RYR3: variants seen among roughly 807,000 people sequenced by gnomAD.
RYR3 encodes the protein brain ryanodine receptor-calcium release channel.
Under a neutral mutation model 584.3 loss-of-function variants are expected in RYR3, and 207 were observed. The ratio of observed to expected loss-of-function variants is 0.35; its 90% CI spans 0.32 to 0.40. The LOEUF is 0.40. Among genes scored for constraint, RYR3 ranks in the 10% least tolerant of loss-of-function variants. The pLI is 1.00. For missense variants in RYR3, 5,616 were observed against 6,089.2 expected (o/e 0.92, Z 2.59); for synonymous variants, 2,416 against 2,248.5 (o/e 1.07, Z -2.11).
intron 2 of RYR3, among the ~76,000 whole-genome samples, chr15:33,478,052 G>A (rs1281855778): frequency 6.6e-6 from 1 of 151,638 alleles, no homozygotes; most frequent in Non-Finnish European, 1.5e-5. Context: ...CTTTCCCTCT[G>A]GTCCTTCACA....
intron 1 of RYR3, among the ~76,000 whole-genome samples, chr15:33,399,548 G>A (rs979826867): frequency 6.6e-6 from 1 of 152,180 alleles, no homozygotes; most frequent in Non-Finnish European, 1.5e-5. Flanking sequence ...TGAGGCAGGA[G>A]AATCACTTGA....
intron 6 of RYR3, among the ~76,000 whole-genome samples, chr15:33,539,884 C>T (rs987899264): frequency 2.0e-5 from 3 of 152,076 alleles, no homozygotes; most frequent in African/African-American, 7.2e-5. Context: ...TCATCCTTGT[C>T]ATCTTCACGT....
At chr15:33,637,301 A>G (rs543894198) in intron 27 of RYR3, among the ~76,000 whole-genome samples, 1 of 152,364 alleles carries the variant, frequency 6.6e-6, no homozygotes, top group African/African-American at 2.4e-5. Context: ...TACTTTCTTC[A>G]TCTATATCAG....
At chr15:33,697,585 T>C (rs550440378) in intron 39 of RYR3, among the ~76,000 whole-genome samples, 4 of 152,352 alleles carry the variant, frequency 2.6e-5, no homozygotes, top group South Asian at 4.1e-4. Flanking sequence ...AAAAGCTTCA[T>C]TGATATCTAA....
At chr15:33,377,557 G>A (rs1390518814) in intron 1 of RYR3, among the ~76,000 whole-genome samples, 6 of 152,184 alleles carry the variant, frequency 3.9e-5, no homozygotes, top group Non-Finnish European at 8.8e-5. Flanking sequence ...GTTAGAGTCC[G>A]ATAACTTTCA....
chr15:33,338,032 CCTCTTGGGTTCACGCCATT>C (rs1251755860), intron 1 of RYR3, among the ~76,000 whole-genome samples: 1 of 148,642 alleles, frequency 6.7e-6, no homozygotes, highest in African/African-American at 2.5e-5. Flanking sequence ...GAAAGCTCCG[CCTCTTGGGTTCACGCCATT>C]CTCTTGCCTC....
At chr15:33,492,466 A>ACC (rs2142524288) in intron 2 of RYR3, among the ~76,000 whole-genome samples, 1 of 149,758 alleles carries the variant, frequency 6.7e-6, no homozygotes, top group South Asian at 2.1e-4. Context: ...TCTCAAAGCA[A>ACC]AAAAAAAAAA....
rs1244464080 is a variant in RYR3 at position 33,788,281 on chromosome 15, C to T, written c.9653C>T (p.Thr3218Ile). Residue 3218 changes from threonine (T) to isoleucine (I), a missense_variant, in exon 67 of 104, where the codon ACT becomes ATT. By Grantham distance (89) the Thr-to-Ile change is moderately conservative. Transcript: ENST00000634891. The stretch of plus-strand genomic sequence containing the variant: ...CTGCTGAGAAGCCACTTCATCCCAA[C>T]TCTGGAGAAGCTGAAGAAAAAGGCT... ...PDLLRSHFIP[T>I]LEKLKKKAVK... 1 of 1,613,888 alleles carries T rather than the reference C, an allele frequency of 6.2e-7. No individual in the cohort carries two copies. The highest frequency in any genetic ancestry group is 8.5e-7 in the Non-Finnish European group (1 of 1,179,890).
chr15:33,830,520 T>C (rs543573570), intron 85 of RYR3, among the ~76,000 whole-genome samples: 1 of 152,252 alleles, frequency 6.6e-6, no homozygotes, highest in African/African-American at 2.4e-5. Context: ...ACTCACTTTA[T>C]TGTAATGTTC....
intron 42 of RYR3, among the ~76,000 whole-genome samples, chr15:33,703,459 G>C (rs1037304694): frequency 6.6e-6 from 1 of 152,170 alleles, no homozygotes; most frequent in Non-Finnish European, 1.5e-5. Flanking sequence ...CTTGCAGATG[G>C]CCACTGTTTT....
chr15:33,818,517 G>A, intron 75 of RYR3, 61 bp from the exon 76 acceptor site: 1 of 1,257,260 alleles, frequency 8.0e-7, no homozygotes, highest in South Asian at 1.2e-5. Context: ...TTGTTCGCAT[G>A]CCAGTCACGT....
chr15:33,362,746 C>T (rs1345878764), intron 1 of RYR3, among the ~76,000 whole-genome samples: 4 of 152,124 alleles, frequency 2.6e-5, no homozygotes, highest in Admixed American at 2.6e-4. Flanking sequence ...AGAGCCCTTC[C>T]TTGAAATATC....
rs1967253965 is a variant in RYR3 at position 33,311,407 on chromosome 15, G to T, written c.51+311G>T. 6.6e-6 allele frequency among the ~76,000 whole-genome samples: 1 copy of T among 152,238 alleles called. No individual in the cohort carries two copies. The highest frequency in any genetic ancestry group is 2.4e-5 in the African/African-American group (1 of 41,470). ...TGAAACCCTTGATGCCCAAACTTCA[G>T]CCGGGGTTTGTTCGCGGTTGTCCTG... On this transcript the variant is annotated intron_variant, in intron 1 of 103. Transcript: ENST00000634891. The surrounding 1 kb of genome is among the most constrained non-coding windows in gnomAD (Gnocchi z 4.4).
chr15:33,576,413 T>C (rs2058304795), intron 12 of RYR3, among the ~76,000 whole-genome samples: 1 of 152,174 alleles, frequency 6.6e-6, no homozygotes, highest in African/African-American at 2.4e-5. Context: ...AAAAAGCTTA[T>C]CTAGCATGAT....
Position 33,547,510 on chromosome 15 carries a change from G to A in RYR3, c.741-620G>A, listed in dbSNP as rs911545404. On this transcript the variant is annotated intron_variant, in intron 8 of 103. Transcript: ENST00000634891. ...GAGTGAGATCATACAGGAACTCTCT[G>A]GACTATCTTTAGTAACTGTTTGATA... 9.2e-5 allele frequency among the ~76,000 whole-genome samples: 14 copies of A among 152,002 alleles called. 1 individual carries two copies. The highest frequency in any genetic ancestry group is 1.5e-5 in the Non-Finnish European group (1 of 68,012).
At chr15:33,659,830 A>G in intron 33 of RYR3, 24 bp downstream of exon 33, 1 of 1,475,954 alleles carries the variant, frequency 6.8e-7, no homozygotes, top group South Asian at 1.1e-5. Context: ...CTCTCATCTA[A>G]TGGCCATGAC....
At chr15:33,395,792 T>C (rs566341969) in intron 1 of RYR3, among the ~76,000 whole-genome samples, 5 of 152,344 alleles carry the variant, frequency 3.3e-5, no homozygotes, top group Non-Finnish European at 5.9e-5. Flanking sequence ...GCCTTGAAAG[T>C]GACTTCACTT....
chr15:33,623,868 G>A lies in RYR3; in HGVS notation c.2419G>A (p.Ala807Thr). The A allele has an allele frequency of 6.2e-7, 1 of 1,613,856 alleles. No homozygotes were observed. The highest frequency in any genetic ancestry group is 1.1e-5 in the South Asian group (1 of 91,082). ...EFKFLPPSGYAPCYEALLPKE... is the reference protein window; with the variant it reads ...EFKFLPPSGYTPCYEALLPKE... ...TAAGTTCCTGCCTCCCTCTGGCTAT[G>A]CCCCTTGCTATGAAGCCTTACTTCC... Residue 807 changes from alanine (A) to threonine (T), a missense_variant, in exon 20 of 104, where the codon GCC (alanine) becomes ACC (threonine). Ala to Thr is a moderately conservative substitution (Grantham distance 58, BLOSUM62 0). This residue lies in a region of RYR3 where 1,284 missense variants were observed against 1,344.6 expected (regional missense o/e 0.95). Coordinates refer to ENST00000634891, the MANE Select transcript of RYR3 (RefSeq NM_001036.6).
intron 1 of RYR3, among the ~76,000 whole-genome samples, chr15:33,424,942 G>C (rs1179328251): frequency 2.6e-5 from 4 of 152,018 alleles, no homozygotes; most frequent in Admixed American, 6.6e-5. Context: ...TGAAAAACAA[G>C]AAGAAGAAAA....
Sources: gnomAD v4.1 joint callset for allele counts (sites outside exome capture counted in the v4.1 genomes callset) on GRCh38, gnomAD v4.1.1 for gene constraint, gnomAD v4.1.1 regional missense constraint, Gnocchi (gnomAD v3.1) non-coding constraint, MANE v1.5 for transcripts, NCBI Gene and HGNC (gene_info 2026-07-23, HGNC 2026-07-21) for gene names.